Variants in SLC38A8 observed in about 807,000 individuals in gnomAD.
The protein encoded by SLC38A8 is amino acid transporter SLC38A8.
A neutral mutation model predicts 46.0 loss-of-function variants in SLC38A8; 65 were observed. The ratio of observed to expected loss-of-function variants is 1.41; its 90% CI spans 1.16 to 1.74. The LOEUF is 1.74. Ranked by LOEUF, SLC38A8 falls within the 40% of genes most tolerant of loss-of-function variation. The probability of loss-of-function intolerance (pLI) is 0.00; values close to 1 mark genes in which losing one functional copy is unlikely to be tolerated. For synonymous variants in SLC38A8, 447 were observed against 243.7 expected, an observed-to-expected ratio of 1.83 and a Z score of -7.77; for missense variants, 998 against 567.9, an observed-to-expected ratio of 1.76 and a Z score of -7.70.
At chr16:84,033,536 G>C in intron 3 of SLC38A8, 67 bp from the exon 4 acceptor site, 1 of 1,500,842 alleles carries the variant, frequency 6.7e-7, no homozygotes, top group South Asian at 1.3e-5. Context: ...CTCCCACCTG[G>C]CCCTTCAACC....
intron 2 of SLC38A8, among the ~76,000 whole-genome samples, chr16:84,037,441 C>G (rs2085313431): frequency 6.6e-6 from 1 of 152,224 alleles, no homozygotes; most frequent in African/African-American, 2.4e-5. Context: ...CTGTGACATA[C>G]TCGGCTCAGC....
At chr16:84,030,875 G>GA (rs747076793) in intron 5 of SLC38A8, among the ~76,000 whole-genome samples, 35 of 110,280 alleles carry the variant, frequency 3.2e-4, no homozygotes, top group Non-Finnish European at 6.4e-4. Flanking sequence ...CCCTGCCACT[G>GA]GGAAATCCGA....
chr16:84,019,590 C>T (rs2085072107), intron 7 of SLC38A8, among the ~76,000 whole-genome samples: 1 of 152,132 alleles, frequency 6.6e-6, no homozygotes, highest in Non-Finnish European at 1.5e-5. Context: ...GCATTCTGTC[C>T]CTGAGTCCCC....
At chr16:84,039,337 C>T (rs567534888) in intron 2 of SLC38A8, among the ~76,000 whole-genome samples, 1 of 152,314 alleles carries the variant, frequency 6.6e-6, no homozygotes, top group South Asian at 2.1e-4. Flanking sequence ...GGGATTTCTC[C>T]AATGTCCTCT....
At chr16:84,029,381 G>C (rs1330505774) in intron 6 of SLC38A8, 113 bp downstream of exon 6, 1 of 1,092,124 alleles carries the variant, frequency 9.2e-7, no homozygotes, top group South Asian at 1.4e-5. Flanking sequence ...CTGTATCCTA[G>C]GAGAAGTCCT....
At chr16:84,016,833 T>G in intron 8 of SLC38A8, 106 bp from the exon 9 acceptor site, 1 of 1,257,990 alleles carries the variant, frequency 7.9e-7, no homozygotes, top group Non-Finnish European at 1.1e-6. Context: ...CTGTCAGTGC[T>G]CCTGTTCCAC....
intron 5 of SLC38A8, 48 bp from the exon 6 acceptor site, chr16:84,029,599 G>T: frequency 6.3e-7 from 1 of 1,583,380 alleles, no homozygotes; most frequent in South Asian, 1.1e-5. Context: ...GTCACACCCG[G>T]AACAACCTGC....
In SLC38A8 at chr16:84,024,299, A is replaced by G. The variant is rs141269615; in HGVS notation, c.691-1410T>C. Among the ~76,000 whole-genome samples the G allele has an allele frequency of 3.4e-4, 52 of 152,320 alleles. No individual in the cohort carries two copies. In the East Asian group the frequency reaches 6.4e-3, roughly 19 times the overall value. ...TTGACCATGTCACATGGGTGCACACATACTTAGAATCTACATACTGTATAT... is the reference window on the plus strand; with the variant it reads ...TTGACCATGTCACATGGGTGCACACGTACTTAGAATCTACATACTGTATAT... On this transcript the variant is annotated intron_variant, in intron 6 of 10. Coordinates refer to ENST00000299709, the MANE Select transcript of SLC38A8 (RefSeq NM_001080442.3).
intron 2 of SLC38A8, among the ~76,000 whole-genome samples, chr16:84,038,620 T>C: frequency 6.6e-6 from 1 of 152,178 alleles, no homozygotes; most frequent in Non-Finnish European, 1.5e-5. Context: ...CTCAAAGTCT[T>C]AAGTGTATTG....
Position 84,013,382 on chromosome 16 carries a change from C to T in SLC38A8, c.1163-330G>A, listed in dbSNP as rs188770199. Among the ~76,000 whole-genome samples the T allele has an allele frequency of 1.3e-3, 190 of 149,152 alleles. 1 individual carries two copies. The highest frequency in any genetic ancestry group is 4.5e-3 in the African/African-American group (183 of 40,566). ...CCATGCCTGACACCCGGGAAGTGCT[C>T]GGCAACTGGCAGCTACCATTACTTT... On this transcript the variant is annotated intron_variant, in intron 9 of 10. Transcript: ENST00000299709.
intron 7 of SLC38A8, among the ~76,000 whole-genome samples, chr16:84,019,431 G>A (rs973445989): frequency 5.3e-5 from 8 of 152,158 alleles, no homozygotes; most frequent in Admixed American, 3.3e-4. Context: ...GGCAGATGGT[G>A]CATCCTTCAA....
At chr16:84,026,064 C>T (rs1032666136) in intron 6 of SLC38A8, among the ~76,000 whole-genome samples, 30 of 152,248 alleles carry the variant, frequency 2.0e-4, no homozygotes, top group Non-Finnish European at 3.5e-4. Context: ...CTTCAGGGCA[C>T]GGCAGATGCC....
chr16:84,023,971 A>G (rs1051289880), intron 6 of SLC38A8, among the ~76,000 whole-genome samples: 4 of 152,208 alleles, frequency 2.6e-5, no homozygotes, highest in African/African-American at 9.7e-5. Flanking sequence ...AAACACTTCT[A>G]CACCAGGGTT....
chr16:84,012,540 GGTAT>G lies in SLC38A8; in HGVS notation c.1214+457_1214+460del, dbSNP rs534657445. Among the ~76,000 whole-genome samples the G allele has an allele frequency of 3.3e-5, 5 of 152,320 alleles. No homozygotes were observed. In the South Asian group the frequency reaches 1.0e-3, roughly 32 times the overall value. ...CTCAGCTGTAGGATGAAGACATGTG[GGTAT>G]GGTGGGGAGGTGAACATGTAAAAGG... On this transcript the variant is annotated intron_variant, in intron 10 of 10. Coordinates refer to ENST00000299709, the MANE Select transcript of SLC38A8 (RefSeq NM_001080442.3).
chr16:84,009,937 C>G (rs1359734267), intron 10 of SLC38A8, 60 bp from the exon 11 acceptor site: 1 of 1,481,634 alleles, frequency 6.7e-7, no homozygotes, highest in African/African-American at 1.4e-5. Context: ...ATAAGCCACA[C>G]ACACATAAAA....
In SLC38A8 at chr16:84,036,565, G is replaced by A. The variant is rs558246823; in HGVS notation, c.388+137C>T. The A allele has an allele frequency of 7.3e-5, 71 of 971,396 alleles. No individual in the cohort carries two copies. The African/African-American group carries it at 9.2e-4, about 13-fold the overall frequency. The allele number at this position is 971,396 out of a possible 1,614,324, so 60.2% of individuals were successfully genotyped here. A position where few individuals can be genotyped will look rare whatever the true frequency, so the allele number is the denominator to read the frequency against. On this transcript the variant is annotated intron_variant, in intron 3 of 10. Coordinates refer to ENST00000299709, the MANE Select transcript of SLC38A8 (RefSeq NM_001080442.3). ...GAGCCTCCCTTCCCTACCATGTTAGGAACAAGAGTGTGGTTTCAGCCTCTG... is the reference window on the plus strand; with the variant it reads ...GAGCCTCCCTTCCCTACCATGTTAGAAACAAGAGTGTGGTTTCAGCCTCTG...
chr16:84,009,678 A>G lies in SLC38A8; in HGVS notation c.*106T>C, dbSNP rs1890241367. On this transcript the variant is annotated 3_prime_UTR_variant, in exon 11 of 11. Transcript: ENST00000299709. ...GGAGGCAGAAGGCATCAGTCTCTCC[A>G]GCATCTTTATGAGGAAAAGAAATGG... The G allele has an allele frequency of 2.6e-5, 25 of 958,258 alleles. 1 individual carries two copies. In the South Asian group the frequency reaches 4.2e-4, roughly 16 times the overall value. 59.4% of individuals were successfully genotyped at this position (958,258 alleles called of 1,614,324 possible). A position where few individuals can be genotyped will look rare whatever the true frequency, so the allele number is the denominator to read the frequency against.
intron 4 of SLC38A8, among the ~76,000 whole-genome samples, chr16:84,033,019 T>G (rs2085262889): frequency 6.7e-6 from 1 of 148,284 alleles, no homozygotes; most frequent in Non-Finnish European, 1.5e-5. Flanking sequence ...GGTAGGTGGG[T>G]GTGTATGTGT....
At chr16:84,025,108 G>A (rs1199511100) in intron 6 of SLC38A8, among the ~76,000 whole-genome samples, 4 of 152,190 alleles carry the variant, frequency 2.6e-5, no homozygotes, top group Non-Finnish European at 5.9e-5. Flanking sequence ...CTGATGTACA[G>A]CCAGGGCTGG....
Sources: gnomAD v4.1 joint callset for allele counts (sites outside exome capture counted in the v4.1 genomes callset) on GRCh38, gnomAD v4.1.1 for gene constraint, MANE v1.5 for transcripts, NCBI Gene and HGNC (gene_info 2026-07-23, HGNC 2026-07-21) for gene names.